The following SNX10 variants were observed in gnomAD, a reference collection of about 807,000 sequenced individuals.
SNX10 encodes sorting nexin 10, also known as sorting nexin-10.
Under a neutral mutation model 28.5 loss-of-function variants are expected in SNX10, and 25 were observed. The observed-to-expected ratio is 0.88, with a 90% confidence interval of 0.64 to 1.22. SNX10 has a LOEUF of 1.22. Among genes scored for constraint, SNX10 ranks in the 50% most tolerant of loss-of-function variants. SNX10 has a pLI of 0.00. For missense variants in SNX10, 223 were observed against 242.6 expected, an observed-to-expected ratio of 0.92 and a Z score of 0.54; for synonymous variants, 62 against 81.4, an observed-to-expected ratio of 0.76 and a Z score of 1.28.
intron 1 of SNX10, among the ~76,000 whole-genome samples, chr7:26,314,518 G>A (rs1191841573): frequency 2.6e-5 from 4 of 152,140 alleles, no homozygotes; most frequent in Non-Finnish European, 5.9e-5. Context: ...TGTGTGGCTT[G>A]TTTAAAACAC....
At chr7:26,307,650 G>T (rs1447503220) in intron 1 of SNX10, among the ~76,000 whole-genome samples, 1 of 151,510 alleles carries the variant, frequency 6.6e-6, no homozygotes, top group African/African-American at 2.4e-5. Flanking sequence ...TCCAGAGATG[G>T]GGTTTTGCCA....
chr7:26,344,355 G>A (rs145213551), intron 1 of SNX10, among the ~76,000 whole-genome samples: 1 of 151,986 alleles, frequency 6.6e-6, no homozygotes, highest in Non-Finnish European at 1.5e-5. Flanking sequence ...TTTTGGTAGA[G>A]TTGGGGTTTT....
chr7:26,299,745 A>G (rs564901479), intron 1 of SNX10, among the ~76,000 whole-genome samples: 229 of 151,914 alleles, frequency 1.5e-3, no homozygotes, highest in African/African-American at 5.2e-3. Context: ...TTTTTTCCCC[A>G]AACTTTGAAA....
chr7:26,299,250 C>T (rs566735082), intron 1 of SNX10, among the ~76,000 whole-genome samples: 10 of 151,994 alleles, frequency 6.6e-5, no homozygotes, highest in South Asian at 6.2e-4. Flanking sequence ...GGCTGGAGTG[C>T]GGTGGTGCGA....
chr7:26,335,735 C>CTTTTTTTTTTTTTTTT lies in SNX10; in HGVS notation c.-23-10674_-23-10659dup, dbSNP rs57340085. 3.6e-4 allele frequency among the ~76,000 whole-genome samples: 30 copies of CTTTTTTTTTTTTTTTT among 84,274 alleles called. 2 individuals carry two copies. Among genetic ancestry groups the CTTTTTTTTTTTTTTTT allele is most frequent in the Non-Finnish European group, 5.1e-4 (22 of 43,306 alleles). 55.3% of individuals were successfully genotyped at this position (84,274 alleles called of 152,430 possible). Reference sequence around the variant, plus strand: ...AAAATAACCTCGCAGATGGAATATTCTTTTTTTTTTTTTTTTTTTTTTTTT... The same window carrying CTTTTTTTTTTTTTTTT: ...AAAATAACCTCGCAGATGGAATATTCTTTTTTTTTTTTTTTTTTTTTTTTTTTTTTTTTTTTTTTTT... On this transcript the variant is annotated intron_variant, in intron 1 of 6. Coordinates refer to ENST00000338523, the MANE Select transcript of SNX10 (RefSeq NM_013322.3).
At chr7:26,354,353 GTGAA>G (rs1788734206) in intron 2 of SNX10, among the ~76,000 whole-genome samples, 1 of 152,048 alleles carries the variant, frequency 6.6e-6, no homozygotes, top group Non-Finnish European at 1.5e-5. Context: ...ATAAGAGTAA[GTGAA>G]TGAGTGTTTT....
At position 26,364,742 on chromosome 7, in the gene SNX10, C is replaced by G. The variant is rs1268648902; in HGVS notation, c.212+107C>G. Reference sequence around the variant, plus strand: ...ATGAAGGATTTTTATAGGCTTTTGCCTTGATTACAATATGTAGCTTTAGTT... The same window carrying G: ...ATGAAGGATTTTTATAGGCTTTTGCGTTGATTACAATATGTAGCTTTAGTT... On this transcript the variant is annotated intron_variant, in intron 4 of 6. Transcript: ENST00000338523. This position sits in a 1 kb window ranked among gnomAD's most constrained non-coding sequence, Gnocchi z 4.9. 1 of 778,696 alleles carries G rather than the reference C, an allele frequency of 1.3e-6. No individual in the cohort carries two copies. Among genetic ancestry groups the G allele is most frequent in the African/African-American group, 1.7e-5 (1 of 57,180 alleles). 48.2% of individuals were successfully genotyped at this position (778,696 alleles called of 1,614,324 possible).
chr7:26,325,117 C>T (rs905737069), intron 1 of SNX10, among the ~76,000 whole-genome samples: 1 of 151,318 alleles, frequency 6.6e-6, no homozygotes, highest in East Asian at 1.9e-4. Context: ...TAGCATAGCA[C>T]CTACAGACTC....
intron 1 of SNX10, among the ~76,000 whole-genome samples, chr7:26,318,747 A>G (rs975233307): frequency 6.6e-6 from 1 of 152,180 alleles, no homozygotes; most frequent in Non-Finnish European, 1.5e-5. Flanking sequence ...CTGGGATTAC[A>G]GGCATGAGCC....
At chr7:26,355,989 T>G (rs1788803068) in intron 2 of SNX10, among the ~76,000 whole-genome samples, 1 of 152,226 alleles carries the variant, frequency 6.6e-6, no homozygotes. Flanking sequence ...GTATAATGCC[T>G]GCCACATGTC....
intron 1 of SNX10, among the ~76,000 whole-genome samples, chr7:26,331,526 C>T (rs1310713675): frequency 6.6e-6 from 1 of 152,204 alleles, no homozygotes; most frequent in Non-Finnish European, 1.5e-5. Context: ...GTCGAGGCTG[C>T]TGTGAGCTGT....
chr7:26,302,479 T>C (rs1786410737), intron 1 of SNX10, among the ~76,000 whole-genome samples: 1 of 152,174 alleles, frequency 6.6e-6, no homozygotes, highest in East Asian at 1.9e-4. Flanking sequence ...GGTCTCCCTC[T>C]GTGTGCAGCA....
intron 2 of SNX10, among the ~76,000 whole-genome samples, chr7:26,349,109 A>G (rs1788497881): frequency 6.6e-6 from 1 of 152,242 alleles, no homozygotes; most frequent in Non-Finnish European, 1.5e-5. Flanking sequence ...GGTTCCACCT[A>G]ATCGAATATG....
At chr7:26,318,790 A>G (rs982660348) in intron 1 of SNX10, among the ~76,000 whole-genome samples, 4 of 152,148 alleles carry the variant, frequency 2.6e-5, no homozygotes, top group African/African-American at 9.7e-5. Flanking sequence ...TTTTTCTTGT[A>G]TACTTAATTT....
intron 1 of SNX10, among the ~76,000 whole-genome samples, chr7:26,309,532 A>T (rs138397709): frequency 6.6e-6 from 1 of 152,024 alleles, no homozygotes; most frequent in African/African-American, 2.4e-5. Context: ...AATGCACTGC[A>T]CTTTTCTCAG....
At chr7:26,306,425 T>TG (rs1299105118) in intron 1 of SNX10, among the ~76,000 whole-genome samples, 2 of 151,806 alleles carry the variant, frequency 1.3e-5, no homozygotes, top group Non-Finnish European at 2.9e-5. Flanking sequence ...TTTTTTTTTT[T>TG]TTTTGAGACA....
chr7:26,371,760 CT>C (rs1789548572), intron 5 of SNX10, 60 bp from the exon 6 acceptor site: 1 of 1,197,414 alleles, frequency 8.4e-7, no homozygotes, highest in African/African-American at 1.5e-5. Context: ...GTTTTTCTTT[CT>C]TCTACCCTAT....
chr7:26,359,550 GAGT>G (rs2128020869), intron 2 of SNX10, among the ~76,000 whole-genome samples: 1 of 152,268 alleles, frequency 6.6e-6, no homozygotes, highest in Non-Finnish European at 1.5e-5. Flanking sequence ...TATGATCACT[GAGT>G]AAATAAGTTA....
At chr7:26,354,148 T>C (rs1788724436) in intron 2 of SNX10, 1 of 152,174 alleles carries the variant, frequency 6.6e-6, no homozygotes, top group African/African-American at 2.4e-5. Context: ...ATGGCTAAAA[T>C]AAAAAATAGT....
Sources: allele counts gnomAD v4.1 joint callset (sites outside exome capture counted in the v4.1 genomes callset), GRCh38; gene constraint gnomAD v4.1.1; non-coding constraint Gnocchi (gnomAD v3.1); transcripts MANE v1.5; gene names NCBI Gene and HGNC (gene_info 2026-07-23, HGNC 2026-07-21).